VMP1: variants seen among roughly 807,000 people sequenced by gnomAD.
VMP1 encodes the protein vacuole membrane protein 1.
A neutral mutation model predicts 56.0 loss-of-function variants in VMP1; 11 were observed. The observed-to-expected ratio is 0.20, with a 90% CI of 0.12 to 0.32. VMP1 has a LOEUF of 0.32. Ranked by LOEUF, VMP1 falls within the 10% of genes least tolerant of loss-of-function variation. VMP1 has a pLI of 1.00. For missense variants in VMP1, 296 were observed against 490.3 expected, an observed-to-expected ratio of 0.60 and a Z score of 3.74; for synonymous variants, 149 against 165.0, an observed-to-expected ratio of 0.90 and a Z score of 0.74.
chr17:59,838,450 T>G, intron 11 of VMP1, 53 bp downstream of exon 11: 2 of 1,563,802 alleles, frequency 1.3e-6, no homozygotes, highest in East Asian at 4.5e-5. Flanking sequence ...GGGCTGAAAT[T>G]ACATTCACAG....
chr17:59,775,807 T>G (rs1568125561), intron 7 of VMP1, among the ~76,000 whole-genome samples: 1 of 152,234 alleles, frequency 6.6e-6, no homozygotes, highest in Non-Finnish European at 1.5e-5. Flanking sequence ...CATAATTGGT[T>G]GAGGCTTTTT....
At chr17:59,824,536 G>A (rs149707937) in intron 10 of VMP1, among the ~76,000 whole-genome samples, 130 of 147,572 alleles carry the variant, frequency 8.8e-4, no homozygotes, top group African/African-American at 3.1e-3. Context: ...TCGTGCCAGT[G>A]CACTCCAGCC....
At chr17:59,758,143 A>AT (rs2035915423) in intron 5 of VMP1, among the ~76,000 whole-genome samples, 1 of 151,626 alleles carries the variant, frequency 6.6e-6, no homozygotes, top group Admixed American at 6.6e-5. Context: ...TGCCTTGCCT[A>AT]TTTGCCACTT....
intron 5 of VMP1, among the ~76,000 whole-genome samples, chr17:59,742,026 C>G (rs941048615): frequency 6.6e-6 from 1 of 152,126 alleles, no homozygotes; most frequent in African/African-American, 2.4e-5. Flanking sequence ...TATTTGTTCA[C>G]TTGTTCACAT....
rs117083379 is a variant in VMP1, at chr17:59,720,026, G to C, written c.-26-11395G>C. On this transcript the variant is annotated intron_variant, in intron 1 of 11. Transcript: ENST00000262291. Reference sequence around the variant, plus strand: ...CCCCATCCACAGACCTATAAGATTTGTTTCAGCAACCTCATTCTTACAAAC... The same window carrying C: ...CCCCATCCACAGACCTATAAGATTTCTTTCAGCAACCTCATTCTTACAAAC... Among the ~76,000 whole-genome samples the C allele has an allele frequency of 7.7e-4, 117 of 152,280 alleles. 1 individual carries two copies. The East Asian group carries it at 0.021, about 27-fold the overall frequency.
intron 5 of VMP1, among the ~76,000 whole-genome samples, chr17:59,759,713 G>T (rs956007185): frequency 6.6e-6 from 1 of 152,074 alleles, no homozygotes; most frequent in South Asian, 2.1e-4. Context: ...TACTAATCCA[G>T]TGTGACAGTG....
Position 59,841,678 on chromosome 17 carries a change from TA to T in VMP1, c.*1769del, listed in dbSNP as rs1204829841. Reference sequence around the variant, plus strand: ...TGCTCTATTTTAGATAGATTAACATTAACCAACATAATTTTTTTTAGATCGA... The same window carrying T: ...TGCTCTATTTTAGATAGATTAACATTACCAACATAATTTTTTTTAGATCGA... On this transcript the variant is annotated 3_prime_UTR_variant, in exon 12 of 12. Transcript: ENST00000262291. 1.3e-5 allele frequency: 2 copies of T among 153,120 alleles called. No homozygotes were observed. Among genetic ancestry groups the T allele is most frequent in the Non-Finnish European group, 2.9e-5 (2 of 68,528 alleles). The allele number at this position is 153,120 out of a possible 1,614,324, so 9.5% of individuals were successfully genotyped here.
At chr17:59,752,590 A>G (rs752252796) in intron 5 of VMP1, among the ~76,000 whole-genome samples, 34 of 152,222 alleles carry the variant, frequency 2.2e-4, no homozygotes, top group Admixed American at 3.3e-4. Context: ...TTTGAAGGGA[A>G]AAGCAGAAGA....
At chr17:59,833,354 G>A (rs770523292) in intron 10 of VMP1, among the ~76,000 whole-genome samples, 1 of 152,118 alleles carries the variant, frequency 6.6e-6, no homozygotes, top group Non-Finnish European at 1.5e-5. Flanking sequence ...AGTAGCCTAA[G>A]TCATTGTAGA....
chr17:59,821,539 CTTTTTTTTTT>C (rs530907168), intron 10 of VMP1, among the ~76,000 whole-genome samples: 2 of 104,688 alleles, frequency 1.9e-5, no homozygotes, highest in Admixed American at 1.1e-4. Flanking sequence ...AGCTACTTTT[CTTTTTTTTTT>C]TTTTTTTTTT....
At chr17:59,716,978 AT>A (rs566796202) in intron 1 of VMP1, among the ~76,000 whole-genome samples, 16 of 150,822 alleles carry the variant, frequency 1.1e-4, no homozygotes, top group Non-Finnish European at 2.1e-4. Flanking sequence ...TCCAATTTTT[AT>A]TTTTTTTTAT....
chr17:59,788,816 A>AAG (rs975781391), intron 7 of VMP1, among the ~76,000 whole-genome samples: 3 of 151,820 alleles, frequency 2.0e-5, no homozygotes, highest in Admixed American at 6.6e-5. Context: ...AAAAAAAAAA[A>AAG]AAAGAAAGAA....
At chr17:59,784,136 T>TGGGA (rs1182813441) in intron 7 of VMP1, among the ~76,000 whole-genome samples, 1 of 136,172 alleles carries the variant, frequency 7.3e-6, no homozygotes, top group African/African-American at 3.1e-5. Context: ...TGTGTGTGTG[T>TGGGA]GTGTGTGAGA....
chr17:59,825,752 T>G (rs915950301), intron 10 of VMP1, among the ~76,000 whole-genome samples: 3 of 152,338 alleles, frequency 2.0e-5, no homozygotes, highest in Non-Finnish European at 2.9e-5. Flanking sequence ...TCCATGCTCT[T>G]CTTTGCTGTC....
intron 1 of VMP1, among the ~76,000 whole-genome samples, chr17:59,717,652 G>A (rs2034218852): frequency 6.6e-6 from 1 of 152,190 alleles, no homozygotes; most frequent in Non-Finnish European, 1.5e-5. Context: ...TGGTACAGTG[G>A]CTCATGCCTG....
intron 7 of VMP1, among the ~76,000 whole-genome samples, chr17:59,805,545 G>C (rs2037816929): frequency 2.0e-5 from 3 of 150,448 alleles, no homozygotes; most frequent in Non-Finnish European, 4.4e-5. Context: ...CTATAGAGTA[G>C]AAAAATGCCA....
intron 1 of VMP1, among the ~76,000 whole-genome samples, chr17:59,728,876 A>G (rs549212691): frequency 5.4e-4 from 82 of 152,282 alleles, no homozygotes; most frequent in African/African-American, 1.8e-3. Context: ...CTATGCAACT[A>G]TCAAAACAAT....
At chr17:59,821,146 A>G (rs1176435536) in intron 10 of VMP1, among the ~76,000 whole-genome samples, 1 of 150,908 alleles carries the variant, frequency 6.6e-6, no homozygotes, top group Non-Finnish European at 1.5e-5. Flanking sequence ...AATTTTTTGT[A>G]TTGTTAATAG....
intron 10 of VMP1, chr17:59,837,733 C>T (rs568817718): frequency 6.6e-6 from 1 of 152,256 alleles, no homozygotes; most frequent in Admixed American, 6.5e-5. Context: ...ATAAGGATGA[C>T]GCACAGATTG....
Sources: gnomAD v4.1 joint callset for allele counts (sites outside exome capture counted in the v4.1 genomes callset) on GRCh38, gnomAD v4.1.1 for gene constraint, MANE v1.5 for transcripts, NCBI Gene and HGNC (gene_info 2026-07-23, HGNC 2026-07-21) for gene names.